SLC17A6: variants seen among roughly 807,000 people sequenced by gnomAD.
SLC17A6 encodes the protein solute carrier family 17 member 6.
In SLC17A6, 35 loss-of-function variants were observed where a neutral mutation model predicts 67.1. The ratio of observed to expected loss-of-function variants is 0.52; its 90% CI spans 0.40 to 0.69. The LOEUF (loss-of-function observed/expected upper bound fraction) is 0.69, where lower values mean the gene tolerates loss of function less well. Ranked by LOEUF, SLC17A6 falls within the 30% of genes least tolerant of loss-of-function variation. The pLI, the probability that SLC17A6 is intolerant of heterozygous loss-of-function variation, is 0.00. For synonymous variants in SLC17A6, 285 were observed against 252.3 expected, an observed-to-expected ratio of 1.13 and a Z score of -1.23; for missense variants, 588 against 723.9, an observed-to-expected ratio of 0.81 and a Z score of 2.15.
intron 5 of SLC17A6, among the ~76,000 whole-genome samples, chr11:22,361,784 T>A (rs1346678114): frequency 6.6e-6 from 1 of 152,196 alleles, no homozygotes; most frequent in Non-Finnish European, 1.5e-5. Context: ...TTTTGTGCCT[T>A]CAGAATGCAC....
chr11:22,344,261 A>G (rs2133859326), intron 3 of SLC17A6, among the ~76,000 whole-genome samples: 1 of 152,234 alleles, frequency 6.6e-6, no homozygotes, highest in African/African-American at 2.4e-5. Flanking sequence ...TTGTACCTAA[A>G]ACTTCATTCC....
At chr11:22,355,826 T>A (rs1361890865) in intron 3 of SLC17A6, among the ~76,000 whole-genome samples, 2 of 152,220 alleles carry the variant, frequency 1.3e-5, no homozygotes, top group Non-Finnish European at 2.9e-5. Flanking sequence ...TTTTTTATAT[T>A]AATCTTTGAA....
At chr11:22,368,833 A>AT (rs1856141894) in intron 7 of SLC17A6, among the ~76,000 whole-genome samples, 3 of 152,166 alleles carry the variant, frequency 2.0e-5, no homozygotes, top group South Asian at 4.1e-4. Flanking sequence ...TGCCACTAAA[A>AT]TTTTTTATCC....
chr11:22,362,596 G>C (rs912862813), intron 5 of SLC17A6, 143 bp from the exon 6 acceptor site: 38 of 661,424 alleles, frequency 5.7e-5, no homozygotes, highest in Admixed American at 3.2e-4. Context: ...TATGTGTTTG[G>C]TGATGGAGGG....
In SLC17A6 at chr11:22,343,022, A is replaced by G. The variant is rs1275397753; in HGVS notation, c.340-225A>G. On this transcript the variant is annotated intron_variant, in intron 2 of 11. Transcript: ENST00000263160. Reference sequence around the variant, plus strand: ...CTGACAGTAGTCAGGGAGCAAAGCCAGTGCGCCTGGCCTCACTATTAATCA... The same window carrying G: ...CTGACAGTAGTCAGGGAGCAAAGCCGGTGCGCCTGGCCTCACTATTAATCA... 8.3e-6 allele frequency: 5 copies of G among 605,668 alleles called. No homozygotes were observed. The African/African-American group carries it at 9.2e-5, about 11-fold the overall frequency. The allele number at this position is 605,668 out of a possible 1,614,324, so 37.5% of individuals were successfully genotyped here.
At chr11:22,339,521 G>A (rs1855788102) in intron 1 of SLC17A6, among the ~76,000 whole-genome samples, 1 of 151,976 alleles carries the variant, frequency 6.6e-6, no homozygotes, top group African/African-American at 2.4e-5. Context: ...TAATTATGCT[G>A]TAATTTGCAA....
At chr11:22,375,917 C>A in intron 9 of SLC17A6, 65 bp from the exon 10 acceptor site, 3 of 1,014,988 alleles carry the variant, frequency 3.0e-6, no homozygotes, top group Non-Finnish European at 4.5e-6. Flanking sequence ...ACATTTTTAG[C>A]AGTTTTGGCT....
At chr11:22,367,680 A>G (rs1449003922) in intron 7 of SLC17A6, among the ~76,000 whole-genome samples, 1 of 152,194 alleles carries the variant, frequency 6.6e-6, no homozygotes, top group Non-Finnish European at 1.5e-5. Flanking sequence ...GAGAGGTCAT[A>G]TGTCTAGATT....
intron 8 of SLC17A6, among the ~76,000 whole-genome samples, chr11:22,372,795 G>A (rs2133877459): frequency 6.6e-6 from 1 of 152,224 alleles, no homozygotes; most frequent in South Asian, 2.1e-4. Flanking sequence ...ACACTTGTAT[G>A]TGATTGACAT....
chr11:22,345,352 A>ACCAGGCT (rs1855865224), intron 3 of SLC17A6, among the ~76,000 whole-genome samples: 1 of 149,350 alleles, frequency 6.7e-6, no homozygotes, highest in African/African-American at 2.5e-5. Context: ...TCACTCTGTC[A>ACCAGGCT]CCAGGCTGAA....
At chr11:22,343,915 G>C (rs1333193856) in intron 3 of SLC17A6, among the ~76,000 whole-genome samples, 2 of 152,220 alleles carry the variant, frequency 1.3e-5, no homozygotes, top group African/African-American at 4.8e-5. Context: ...CGTAGGGGCG[G>C]GCGTTGGGGG....
intron 3 of SLC17A6, among the ~76,000 whole-genome samples, chr11:22,352,525 G>C (rs1855951936): frequency 6.6e-6 from 1 of 152,198 alleles, no homozygotes; most frequent in Admixed American, 6.5e-5. Context: ...TCAGTTGAGA[G>C]TCTTTGCACA....
chr11:22,373,639 G>A (rs986786025), intron 8 of SLC17A6, among the ~76,000 whole-genome samples: 8 of 152,040 alleles, frequency 5.3e-5, no homozygotes, highest in Non-Finnish European at 1.2e-4. Flanking sequence ...CCAGTCTTTC[G>A]ACTCACGTAG....
At chr11:22,367,187 C>A (rs1008856806) in intron 7 of SLC17A6, among the ~76,000 whole-genome samples, 9 of 151,896 alleles carry the variant, frequency 5.9e-5, no homozygotes, top group African/African-American at 2.2e-4. Context: ...AAAACAAACA[C>A]CTCCTGCTCC....
intron 9 of SLC17A6, among the ~76,000 whole-genome samples, chr11:22,375,385 T>TA (rs531739128): frequency 6.6e-6 from 1 of 151,526 alleles, no homozygotes; most frequent in Non-Finnish European, 1.5e-5. Context: ...AAAATAAAAA[T>TA]AAAAAAAATA....
chr11:22,362,583 A>G (rs1856065426), intron 5 of SLC17A6, among the ~76,000 whole-genome samples, 156 bp from the exon 6 acceptor site: 1 of 152,142 alleles, frequency 6.6e-6, no homozygotes, highest in Non-Finnish European at 1.5e-5. Flanking sequence ...GTATGTAGAC[A>G]TATATGTGTT....
In SLC17A6 at chr11:22,372,672, G is replaced by T. The variant is rs115772379; in HGVS notation, c.1042-2083G>T. Among the ~76,000 whole-genome samples the T allele has an allele frequency of 1.6e-3, 245 of 152,140 alleles. 2 individuals are homozygous for T. The highest frequency in any genetic ancestry group is 5.5e-3 in the African/African-American group (229 of 41,528). On this transcript the variant is annotated intron_variant, in intron 8 of 11. Transcript: ENST00000263160. ...ACGATCTAGACTATGACCCAGAAAAGCTAAAAGAAGGATGAGGCAAAAATC... is the reference window on the plus strand; with the variant it reads ...ACGATCTAGACTATGACCCAGAAAATCTAAAAGAAGGATGAGGCAAAAATC...
At position 22,340,762 on chromosome 11, in the gene SLC17A6, G is replaced by GA. The variant is rs142943026; in HGVS notation, c.87-756dup. On this transcript the variant is annotated intron_variant, in intron 1 of 11. Transcript: ENST00000263160. ...CCTTTGTCTCCAACTCGAGTAATAAGAAAAAAAAAATAGTAAGAAGTGTAA... is the reference window on the plus strand; with the variant it reads ...CCTTTGTCTCCAACTCGAGTAATAAGAAAAAAAAAAATAGTAAGAAGTGTAA... 3.8e-3 allele frequency among the ~76,000 whole-genome samples: 566 copies of GA among 149,480 alleles called. 2 individuals carry two copies. The highest frequency in any genetic ancestry group is 0.012 in the African/African-American group (478 of 40,846).
chr11:22,342,911 T>G (rs1855833836), intron 2 of SLC17A6: 1 of 476,988 alleles, frequency 2.1e-6, no homozygotes, highest in Non-Finnish European at 4.1e-6. Flanking sequence ...TCTCCACATC[T>G]GGCTAACAAA....
Sources: allele counts gnomAD v4.1 joint callset (sites outside exome capture counted in the v4.1 genomes callset), GRCh38; gene constraint gnomAD v4.1.1; transcripts MANE v1.5; gene names NCBI Gene and HGNC (gene_info 2026-07-23, HGNC 2026-07-21).